Variants in CGN observed in about 807,000 individuals in gnomAD.
CGN encodes the protein cingulin.
CGN carries 121 observed loss-of-function variants against 157.1 expected under a neutral mutation model. The ratio of observed to expected loss-of-function variants is 0.77; its 90% CI spans 0.66 to 0.90. The LOEUF (loss-of-function observed/expected upper bound fraction) is 0.90. CGN is among the 40% of genes least tolerant of loss of function. The pLI, the probability that CGN is intolerant of heterozygous loss-of-function variation, is 0.00. For synonymous variants in CGN, 535 were observed against 607.5 expected (o/e 0.88, Z 1.76); for missense variants, 1,424 against 1,520.9 (o/e 0.94, Z 1.06).
At chr1:151,523,616 G>C in intron 6 of CGN, 55 bp downstream of exon 6, 1 of 1,506,860 alleles carries the variant, frequency 6.6e-7, no homozygotes, top group Non-Finnish European at 8.9e-7. Flanking sequence ...GCCAGGTTTA[G>C]AGGCCACTCC....
Position 151,524,681 on chromosome 1 carries a change from T to C in CGN, c.1409T>C (p.Leu470Ser), listed in dbSNP as rs768767801. 1.2e-6 allele frequency: 2 copies of C among 1,606,986 alleles called. No homozygotes were observed. The highest frequency in any genetic ancestry group is 3.5e-5 in the Admixed American group (2 of 57,194). ...PAKEVLLKDL[L>S]ETRELLEEVL... is the part of the protein sequence containing the mutation. ...TTCCTTTATTTTCTCCAGGACCTGT[T>C]AGAGACCCGGGAACTTCTGGAAGAG... The change falls in exon 8 of 21, where the codon TTA becomes TCA. Residue 470 changes from leucine to serine, a missense_variant. This residue lies in a region of CGN where 1,187 missense variants were observed against 1,217.6 expected (regional missense o/e 0.97). Transcript: ENST00000271636. This position sits in a 1 kb window ranked among gnomAD's most constrained non-coding sequence, Gnocchi z 4.4.
In CGN at chr1:151,534,065, G is replaced by A; in HGVS notation, c.2833G>A (p.Gly945Arg). 6.2e-7 allele frequency: 1 copy of A among 1,613,726 alleles called. No individual in the cohort carries two copies. The highest frequency in any genetic ancestry group is 8.5e-7 in the Non-Finnish European group (1 of 1,179,848). ...DKELLAQRLQ[G>R]LEQEAENKKR... ...AGAGCTACTGGCCCAGCGACTGCAGGGGCTGGAGCAAGAGGCAGAGAACAA... is the reference window on the plus strand; with the variant it reads ...AGAGCTACTGGCCCAGCGACTGCAGAGGCTGGAGCAAGAGGCAGAGAACAA... Residue 945 changes from glycine (G) to arginine (R), a missense_variant, in exon 15 of 21, where the codon GGG becomes AGG. By Grantham distance (125) the Gly-to-Arg change is moderately radical. Coordinates refer to ENST00000271636, the MANE Select transcript of CGN (RefSeq NM_020770.3).
rs1482779025 is a variant in CGN, at chr1:151,524,905, G to T, written c.1614+19G>T. ...AACCCAGGCATGTGACAAGAGCAGGGTCTGAGAGAGGAGGGCACTGCTGGA... is the reference window on the plus strand; with the variant it reads ...AACCCAGGCATGTGACAAGAGCAGGTTCTGAGAGAGGAGGGCACTGCTGGA... On this transcript the variant is annotated intron_variant, in intron 8 of 20. Transcript: ENST00000271636. The surrounding 1 kb of genome is among the most constrained non-coding windows in gnomAD (Gnocchi z 4.4). 1 of 1,598,658 alleles carries T rather than the reference G, an allele frequency of 6.3e-7. No individual in the cohort carries two copies. The highest frequency in any genetic ancestry group is 8.5e-7 in the Non-Finnish European group (1 of 1,170,492).
At chr1:151,512,343 T>G (rs752532996) in intron 1 of CGN, among the ~76,000 whole-genome samples, 1 of 152,114 alleles carries the variant, frequency 6.6e-6, no homozygotes, top group Non-Finnish European at 1.5e-5. Flanking sequence ...ACCCACATAT[T>G]TTTTCTGTGG....
At chr1:151,515,120 G>A (rs376741215) in intron 1 of CGN, among the ~76,000 whole-genome samples, 33 of 149,972 alleles carry the variant, frequency 2.2e-4, no homozygotes, top group African/African-American at 6.9e-4. Context: ...CTCCTGCCTC[G>A]GCCTCCCCAG....
intron 9 of CGN, among the ~76,000 whole-genome samples, chr1:151,525,995 C>T (rs1305291448): frequency 2.0e-5 from 3 of 152,072 alleles, no homozygotes; most frequent in East Asian, 1.9e-4. Flanking sequence ...GCCTCAGCCT[C>T]CCAAGTAGCT....
In CGN at chr1:151,530,739, A is replaced by G. The variant is rs1408237099; in HGVS notation, c.2564A>G (p.Asn855Ser). 3 of 1,551,836 alleles carry G rather than the reference A, an allele frequency of 1.9e-6. No individual in the cohort carries two copies. Among genetic ancestry groups the G allele is most frequent in the Non-Finnish European group, 2.6e-6 (3 of 1,147,144 alleles). ...CTGGACAGGACTGTGGACCGACTGAACAAGGAGGTGGGGCATGGGGTATTC... is the reference window on the plus strand; with the variant it reads ...CTGGACAGGACTGTGGACCGACTGAGCAAGGAGGTGGGGCATGGGGTATTC... ...RLLDRTVDRL[N>S]KELEKIGEDS... Residue 855 changes from asparagine to serine, a missense_variant, in exon 13 of 21, where the codon AAC becomes AGC. Asn to Ser is a conservative substitution (Grantham distance 46). Coordinates refer to ENST00000271636, the MANE Select transcript of CGN (RefSeq NM_020770.3).
chr1:151,531,797 A>G (rs1465886740), intron 13 of CGN, among the ~76,000 whole-genome samples: 2 of 152,270 alleles, frequency 1.3e-5, no homozygotes, highest in Non-Finnish European at 2.9e-5. Flanking sequence ...CATCAATTCT[A>G]AAGTGCACAT....
In CGN at chr1:151,530,684, A is replaced by C. The variant is rs1372192001; in HGVS notation, c.2509A>C (p.Lys837Gln). The change falls in exon 13 of 21, where the codon AAG (lysine) becomes CAG (glutamine). Residue 837 changes from lysine (K) to glutamine (Q), a missense_variant. Around this residue, in one of 3 missense-constraint regions of CGN, gnomAD observed 1,187 missense variants for 1,217.6 expected, o/e 0.97. Transcript: ENST00000271636. ...GCAGCGGGAGGTGCTCCGGCGAGGCAAGGCTGAGCTGGAGGAGCAGAAGCG... is the reference window on the plus strand; with the variant it reads ...GCAGCGGGAGGTGCTCCGGCGAGGCCAGGCTGAGCTGGAGGAGCAGAAGCG... ...GKQREVLRRG[K>Q]AELEEQKRLL... 14 of 1,561,432 alleles carry C rather than the reference A, an allele frequency of 9.0e-6. No homozygotes were observed. Among genetic ancestry groups the C allele is most frequent in the African/African-American group, 1.4e-5 (1 of 73,478 alleles).
chr1:151,510,919 G>C (rs1664266466), upstream of CGN: 1 of 152,254 alleles, frequency 6.6e-6, no homozygotes, highest in Non-Finnish European at 1.5e-5. Context: ...GACGAGCTGA[G>C]GTGCAGGAGG....
Position 151,520,417 on chromosome 1 carries a change from C to T in CGN, c.978C>T (p.Ser326=), listed in dbSNP as rs1557987038. ...CTTCTATCCTTTTATCCTCTAGAAG[C>T]TCAGAAAGTGAAACCTCTGTGAGGA... is the stretch of plus-strand genomic sequence containing the variant. ...ATIYGILREG[S]SESETSVRRK... The change falls in exon 4 of 21, where the codon AGC becomes AGT. Residue 326 remains serine (S), a synonymous_variant. Transcript: ENST00000271636. 6.2e-7 allele frequency: 1 copy of T among 1,613,888 alleles called. No homozygotes were observed. Among genetic ancestry groups the T allele is most frequent in the East Asian group, 2.2e-5 (1 of 44,880 alleles).
chr1:151,511,865 T>C lies in CGN; in HGVS notation c.-15+350T>C, dbSNP rs1281886693. 6.6e-6 allele frequency among the ~76,000 whole-genome samples: 1 copy of C among 151,986 alleles called. No individual in the cohort carries two copies. The highest frequency in any genetic ancestry group is 1.5e-5 in the Non-Finnish European group (1 of 67,998). On this transcript the variant is annotated intron_variant, in intron 1 of 20. Coordinates refer to ENST00000271636, the MANE Select transcript of CGN (RefSeq NM_020770.3). This position sits in a 1 kb window ranked among gnomAD's most constrained non-coding sequence, Gnocchi z 4.8. Reference sequence around the variant, plus strand: ...GACAGCGGTGGCGCGGGGAAGGAGTTAGTTCCAGCTGAGTCGGGAACTGCT... The same window carrying C: ...GACAGCGGTGGCGCGGGGAAGGAGTCAGTTCCAGCTGAGTCGGGAACTGCT...
chr1:151,535,007 C>A (rs1035456420), intron 15 of CGN, 35 bp from the exon 16 acceptor site: 28 of 1,493,642 alleles, frequency 1.9e-5, no homozygotes, highest in Non-Finnish European at 2.6e-5. Context: ...TGGTGTCCAG[C>A]ATTTGGGACA....
intron 6 of CGN, among the ~76,000 whole-genome samples, chr1:151,523,772 G>A (rs571626254): frequency 6.6e-6 from 1 of 152,268 alleles, no homozygotes; most frequent in South Asian, 2.1e-4. Context: ...TAAGCTACCT[G>A]GGTTTGCCTC....
rs767638110 is a variant in CGN, at chr1:151,530,009, G to A, written c.2207G>A (p.Arg736His). The change falls in exon 12 of 21, where the codon CGC becomes CAC. Residue 736 changes from arginine (R) to histidine (H), a missense_variant. Physicochemically the swap from Arg to His is conservative, Grantham distance 29 (BLOSUM62 0). This residue lies in a region of CGN where 1,187 missense variants were observed against 1,217.6 expected (regional missense o/e 0.97). Coordinates refer to ENST00000271636, the MANE Select transcript of CGN (RefSeq NM_020770.3). ...RETQEENDEF[R>H]RRILGLEQQL... ...ACCCAGGAGGAAAATGACGAATTCC[G>A]CCGGCGCATCCTGGGTTTGGAGCAG... 95 of 1,614,162 alleles carry A rather than the reference G, an allele frequency of 5.9e-5. 1 individual carries two copies. The South Asian group carries it at 6.6e-4, about 11-fold the overall frequency.
intron 2 of CGN, among the ~76,000 whole-genome samples, chr1:151,519,724 A>G (rs1021986218): frequency 6.6e-6 from 1 of 152,214 alleles, no homozygotes; most frequent in African/African-American, 2.4e-5. Flanking sequence ...GGAGGATAAG[A>G]GCAGTTTCCT....
At chr1:151,530,378 G>A in intron 12 of CGN, 111 bp from the exon 13 acceptor site, 7 of 1,322,670 alleles carry the variant, frequency 5.3e-6, no homozygotes, top group Non-Finnish European at 7.2e-6. Flanking sequence ...TGTTTTCATT[G>A]CACATCATTT....
chr1:151,533,650 CAA>C (rs956742497), intron 14 of CGN, among the ~76,000 whole-genome samples: 1 of 142,186 alleles, frequency 7.0e-6, no homozygotes, highest in African/African-American at 2.6e-5. Context: ...AAAAATTAGC[CAA>C]GCGTGGTGGC....
In CGN at chr1:151,518,430, G is replaced by A. The variant is rs1664457488; in HGVS notation, c.-14-76G>A. ...GGTTTATCTAGTAGGAACTGACAGG[G>A]AAGTCAGCCCGCAGGTAGAAGTTTC... On this transcript the variant is annotated intron_variant, in intron 1 of 20. Transcript: ENST00000271636. 11 of 1,275,378 alleles carry A rather than the reference G, an allele frequency of 8.6e-6. No individual in the cohort carries two copies. In the South Asian group the frequency reaches 1.6e-4, roughly 19 times the overall value. The allele number at this position is 1,275,378 out of a possible 1,614,324, so 79.0% of individuals were successfully genotyped here. A position where few individuals can be genotyped will look rare whatever the true frequency, so the allele number is the denominator to read the frequency against.
Sources: gnomAD v4.1 joint callset for allele counts (sites outside exome capture counted in the v4.1 genomes callset) on GRCh38, gnomAD v4.1.1 for gene constraint, gnomAD v4.1.1 regional missense constraint, Gnocchi (gnomAD v3.1) non-coding constraint, MANE v1.5 for transcripts, NCBI Gene and HGNC (gene_info 2026-07-23, HGNC 2026-07-21) for gene names.